The following SRSF12 variants were observed in gnomAD, a reference collection of about 807,000 sequenced individuals.
SRSF12 encodes serine/arginine-rich splicing factor 12.
A neutral mutation model predicts 34.1 loss-of-function variants in SRSF12; 21 were observed. That is an observed-to-expected ratio of 0.62 (90% CI 0.44 to 0.89). SRSF12 has a LOEUF of 0.89. SRSF12 is among the 40% of genes least tolerant of loss of function. The pLI is 0.00. For missense variants in SRSF12, 278 were observed against 327.8 expected (o/e 0.85, Z 1.17); for synonymous variants, 111 against 110.8 (o/e 1.00, Z -0.01).
rs551302177 is a variant in SRSF12 at position 89,103,771 on chromosome 6, T to C, written c.416+1348A>G. Among the ~76,000 whole-genome samples the C allele has an allele frequency of 2.6e-5, 4 of 152,286 alleles. No individual in the cohort carries two copies. In the East Asian group the frequency reaches 7.7e-4, roughly 29 times the overall value. On this transcript the variant is annotated intron_variant, in intron 4 of 4. Transcript: ENST00000452027. ...CACTGCACCTGGTCCATATAATTAA[T>C]TTCTGTTGTGATTCACTATTATTCT...
chr6:89,108,627 T>C (rs989634864), intron 1 of SRSF12, among the ~76,000 whole-genome samples: 2 of 151,722 alleles, frequency 1.3e-5, no homozygotes, highest in African/African-American at 4.8e-5. Flanking sequence ...CTTGGACAAA[T>C]GGAAAAAAGA....
chr6:89,107,203 T>C lies in SRSF12; in HGVS notation c.121A>G (p.Ile41Val). Residue 41 changes from isoleucine to valine, a missense_variant, in exon 2 of 5, where the codon ATT becomes GTT. Transcript: ENST00000452027. ...GRYGPIVDVY[I>V]PLDFYTRRPR... is the part of the protein sequence containing the mutation. Reference sequence around the variant, plus strand: ...CGGCGAGTGTAGAAGTCAAGTGGAATGTAAACGTCTACTATAGGGCCATAT... The same window carrying C: ...CGGCGAGTGTAGAAGTCAAGTGGAACGTAAACGTCTACTATAGGGCCATAT... 5 of 1,614,032 alleles carry C rather than the reference T, an allele frequency of 3.1e-6. No individual in the cohort carries two copies. The highest frequency in any genetic ancestry group is 4.2e-6 in the Non-Finnish European group (5 of 1,180,010).
At chr6:89,103,991 CTTTTTTTTTTTTTT>C (rs55760020) in intron 4 of SRSF12, among the ~76,000 whole-genome samples, 1 of 81,964 alleles carries the variant, frequency 1.2e-5, no homozygotes, top group African/African-American at 4.7e-5. Flanking sequence ...TATTATATTT[CTTTTTTTTTTTTTT>C]TTTTTTTTTT....
chr6:89,098,812 G>C lies in SRSF12; in HGVS notation c.552C>G (p.Ser184=). Residue 184 remains serine (S), a synonymous_variant, in exon 5 of 5, where the codon TCC becomes TCG. Coordinates refer to ENST00000452027, the MANE Select transcript of SRSF12 (RefSeq NM_080743.5). Reference sequence around the variant, plus strand: ...CTATTGACTTGGACCTCTTTTGTAAGGACTTGGACCTTGACCGTCCTCTAG... The same window carrying C: ...CTATTGACTTGGACCTCTTTTGTAACGACTTGGACCTTGACCGTCCTCTAG... The part of the protein sequence containing the change: ...FGSRGRSRSK[S]LQKRSKSIGK... 2 of 1,613,896 alleles carry C rather than the reference G, an allele frequency of 1.2e-6. No homozygotes were observed. Among genetic ancestry groups the C allele is most frequent in the South Asian group, 2.2e-5 (2 of 91,082 alleles).
chr6:89,100,146 A>G (rs988117380), intron 4 of SRSF12, among the ~76,000 whole-genome samples: 1 of 152,198 alleles, frequency 6.6e-6, no homozygotes. Context: ...TCCTTAAATC[A>G]CTGGCCATCT....
At chr6:89,101,282 T>C (rs908384291) in intron 4 of SRSF12, among the ~76,000 whole-genome samples, 1 of 152,162 alleles carries the variant, frequency 6.6e-6, no homozygotes, top group African/African-American at 2.4e-5. Flanking sequence ...GAAGCAATAT[T>C]TGAAGAGATA....
intron 4 of SRSF12, among the ~76,000 whole-genome samples, chr6:89,099,734 C>T (rs1209393780): frequency 6.6e-6 from 1 of 152,026 alleles, no homozygotes; most frequent in African/African-American, 2.4e-5. Flanking sequence ...GGGATTTCTC[C>T]ATGTTGGTCA....
rs138266286 is a variant in SRSF12 at position 89,116,308 on chromosome 6, C to G, written c.65+1515G>C. On this transcript the variant is annotated intron_variant, in intron 1 of 4. Coordinates refer to ENST00000452027, the MANE Select transcript of SRSF12 (RefSeq NM_080743.5). ...TTATTCCATTTTCAAGTTGTCTGTT[C>G]AACTGCAAGGTTTTTTAATTCTGCC... is the stretch of plus-strand genomic sequence containing the variant. 3.6e-3 allele frequency among the ~76,000 whole-genome samples: 541 copies of G among 152,250 alleles called. 2 individuals are homozygous for G. The highest frequency in any genetic ancestry group is 0.01 in the African/African-American group (417 of 41,546).
rs554562221 is a variant in SRSF12, at chr6:89,112,959, C to T, written c.65+4864G>A. ...TTGCCTGCGGTATTCAGTATTGTAACATGCTGTACAGGTATGTAGCCTAGA... is the reference window on the plus strand; with the variant it reads ...TTGCCTGCGGTATTCAGTATTGTAATATGCTGTACAGGTATGTAGCCTAGA... On this transcript the variant is annotated intron_variant, in intron 1 of 4. Coordinates refer to ENST00000452027, the MANE Select transcript of SRSF12 (RefSeq NM_080743.5). Among the ~76,000 whole-genome samples the T allele has an allele frequency of 3.3e-5, 5 of 152,198 alleles. No homozygotes were observed. In the East Asian group the frequency reaches 9.6e-4, roughly 29 times the overall value.
At position 89,118,018 on chromosome 6, in the gene SRSF12, C is replaced by G. The variant is rs1271249719; in HGVS notation, c.-131G>C. ...CCCCCACCCCTCGGCCTCAGCCCCG[C>G]CAGCGCGCAGCCGCAGAGGCCGGCG... On this transcript the variant is annotated 5_prime_UTR_variant, in exon 1 of 5. Transcript: ENST00000452027. The G allele has an allele frequency of 2.1e-6, 2 of 943,590 alleles. No homozygotes were observed. Among genetic ancestry groups the G allele is most frequent in the African/African-American group, 3.6e-5 (2 of 55,518 alleles). 58.5% of individuals were successfully genotyped at this position (943,590 alleles called of 1,614,324 possible).
At chr6:89,115,214 C>A (rs1769236702) in intron 1 of SRSF12, among the ~76,000 whole-genome samples, 1 of 152,134 alleles carries the variant, frequency 6.6e-6, no homozygotes, top group Admixed American at 6.6e-5. Flanking sequence ...CTCCCGGGCT[C>A]CCACCTCAGC....
rs1474240734 is a variant in SRSF12, at chr6:89,098,499, C to A, written c.*79G>T. On this transcript the variant is annotated 3_prime_UTR_variant, in exon 5 of 5. Transcript: ENST00000452027. ...AATATCAACTCGCATTTTCTGTATG[C>A]CTTAAAGAATTTTTATTTAACATAA... The A allele has an allele frequency of 2.0e-6, 3 of 1,478,646 alleles. No homozygotes were observed. Among genetic ancestry groups the A allele is most frequent in the Non-Finnish European group, 2.7e-6 (3 of 1,113,090 alleles). 91.6% of individuals were successfully genotyped at this position (1,478,646 alleles called of 1,614,324 possible).
At chr6:89,105,978 A>C (rs1330245174) in intron 2 of SRSF12, 1 of 152,294 alleles carries the variant, frequency 6.6e-6, no homozygotes, top group East Asian at 1.9e-4. Context: ...TTACTCTTTC[A>C]TTAAAAGGCT....
At chr6:89,108,446 G>A (rs995312910) in intron 1 of SRSF12, among the ~76,000 whole-genome samples, 2 of 152,190 alleles carry the variant, frequency 1.3e-5, no homozygotes, top group African/African-American at 4.8e-5. Flanking sequence ...TAAGCTCACT[G>A]AGCCAGCAAG....
chr6:89,103,203 C>T (rs1056305505), intron 4 of SRSF12, among the ~76,000 whole-genome samples: 4 of 152,020 alleles, frequency 2.6e-5, no homozygotes, highest in African/African-American at 9.7e-5. Context: ...TTGAGACAGT[C>T]AAGTATTATA....
intron 4 of SRSF12, among the ~76,000 whole-genome samples, chr6:89,104,757 T>C (rs1415271193): frequency 1.3e-5 from 2 of 152,224 alleles, no homozygotes; most frequent in Non-Finnish European, 2.9e-5. Flanking sequence ...ATAAAAACTT[T>C]AAAATATTTT....
intron 1 of SRSF12, among the ~76,000 whole-genome samples, chr6:89,115,999 C>T (rs1490647574): frequency 1.3e-5 from 2 of 152,196 alleles, no homozygotes; most frequent in Non-Finnish European, 2.9e-5. Flanking sequence ...CATACAAAAT[C>T]CAGATTTCTG....
At position 89,117,826 on chromosome 6, in the gene SRSF12, G is replaced by A; in HGVS notation, c.62C>T (p.Thr21Ile). Residue 21 changes from threonine (T) to isoleucine (I), a missense_variant, in exon 1 of 5, where the codon ACC becomes ATC. Thr to Ile is a moderately conservative substitution (Grantham distance 89). Transcript: ENST00000452027. Reference protein sequence around the residue: ...SLFIRNVADATRPEDLRREFG... With the variant: ...SLFIRNVADAIRPEDLRREFG... Reference sequence around the variant, plus strand: ...ACCTGCAGCCGCGGCCGTTCACCTGGTGGCGTCCGCGACGTTCCTGATGAA... The same window carrying A: ...ACCTGCAGCCGCGGCCGTTCACCTGATGGCGTCCGCGACGTTCCTGATGAA... 6.4e-7 allele frequency: 1 copy of A among 1,557,296 alleles called. No individual in the cohort carries two copies. Among genetic ancestry groups the A allele is most frequent in the Non-Finnish European group, 8.7e-7 (1 of 1,154,486 alleles).
chr6:89,110,179 T>C (rs75624788), intron 1 of SRSF12, among the ~76,000 whole-genome samples: 9,567 of 152,272 alleles, frequency 0.063, 872 homozygotes, highest in African/African-American at 0.2. Context: ...CTGTTACCAA[T>C]GGAGGGTCTT....
Sources: gnomAD v4.1 joint callset for allele counts (sites outside exome capture counted in the v4.1 genomes callset) on GRCh38, gnomAD v4.1.1 for gene constraint, MANE v1.5 for transcripts, NCBI Gene and HGNC (gene_info 2026-07-23, HGNC 2026-07-21) for gene names.